Variants in SBF2 observed in about 807,000 individuals in gnomAD.
The protein encoded by SBF2 is SET binding factor 2.
SBF2 carries 112 observed loss-of-function variants against 225.2 expected under a neutral mutation model. The observed-to-expected ratio is 0.50, with a 90% confidence interval of 0.43 to 0.58. The LOEUF is 0.58. SBF2 is among the 20% of genes least tolerant of loss of function. SBF2 has a pLI of 0.00. For missense variants in SBF2, 1,996 were observed against 2,206.2 expected, an observed-to-expected ratio of 0.90 and a Z score of 1.91; for synonymous variants, 763 against 773.3, an observed-to-expected ratio of 0.99 and a Z score of 0.22.
At chr11:9,924,508 G>A (rs1590469759) in intron 16 of SBF2, among the ~76,000 whole-genome samples, 1 of 151,752 alleles carries the variant, frequency 6.6e-6, no homozygotes, top group Non-Finnish European at 1.5e-5. Flanking sequence ...CTCCGCTCAC[G>A]GCAACCTCTG....
intron 2 of SBF2, chr11:10,149,581 T>G (rs1955070554): frequency 1.3e-5 from 2 of 152,178 alleles, no homozygotes; most frequent in African/African-American, 4.8e-5. Context: ...TTTACAAACA[T>G]TCATCACATG....
chr11:9,858,441 A>G, intron 17 of SBF2, 45 bp from the exon 18 acceptor site: 2 of 1,586,142 alleles, frequency 1.3e-6, no homozygotes, highest in South Asian at 2.2e-5. Context: ...TGGCAGAATT[A>G]TAACAGTTCA....
intron 2 of SBF2, among the ~76,000 whole-genome samples, chr11:10,055,786 G>A (rs1207941851): frequency 1.3e-5 from 2 of 152,052 alleles, no homozygotes; most frequent in Non-Finnish European, 2.9e-5. Flanking sequence ...AAATGGGGAA[G>A]GTAGATGGGG....
chr11:9,815,675 GTGT>G (rs969790924), intron 29 of SBF2, among the ~76,000 whole-genome samples: 4 of 152,306 alleles, frequency 2.6e-5, no homozygotes, highest in African/African-American at 2.4e-5. Context: ...TCACGAGTAA[GTGT>G]TGTGCTGAAG....
intron 16 of SBF2, among the ~76,000 whole-genome samples, chr11:9,955,399 G>GA (rs1164581083): frequency 1.3e-5 from 2 of 151,884 alleles, no homozygotes; most frequent in Non-Finnish European, 2.9e-5. Context: ...CAATATATAA[G>GA]AAATTTTTCC....
intron 2 of SBF2, among the ~76,000 whole-genome samples, chr11:10,183,331 G>T (rs915198740): frequency 6.6e-6 from 1 of 152,100 alleles, no homozygotes; most frequent in Non-Finnish European, 1.5e-5. Context: ...AGCATCCAAA[G>T]ATTCTGTAGA....
chr11:10,271,192 G>GATT, intron 1 of SBF2, among the ~76,000 whole-genome samples: 1 of 91,336 alleles, frequency 1.1e-5, no homozygotes, highest in African/African-American at 3.4e-5. Flanking sequence ...CAGCAATCTT[G>GATT]ATTCTTTTTT....
intron 2 of SBF2, among the ~76,000 whole-genome samples, chr11:10,182,837 T>C (rs1956791081): frequency 6.6e-6 from 1 of 151,858 alleles, no homozygotes; most frequent in Non-Finnish European, 1.5e-5. Context: ...GCAGTGGCGA[T>C]GTCTCGTCTC....
chr11:10,287,714 G>A (rs1432499820), intron 1 of SBF2, among the ~76,000 whole-genome samples: 1 of 152,202 alleles, frequency 6.6e-6, no homozygotes, highest in Non-Finnish European at 1.5e-5. Context: ...GATCTTTAGG[G>A]TGTCACTTTT....
rs144784745 is a variant in SBF2 at position 10,169,550 on chromosome 11, T to C, written c.141+24352A>G. On this transcript the variant is annotated intron_variant, in intron 2 of 39. Transcript: ENST00000256190. ...GTCAAAGAATACTCCATTGTGTATA[T>C]TGTCACATTTTCTTTATCCGTTTGT... 2.2e-4 allele frequency among the ~76,000 whole-genome samples: 34 copies of C among 152,322 alleles called. No homozygotes were observed. In the East Asian group the frequency reaches 2.7e-3, roughly 12 times the overall value.
At chr11:9,790,853 A>C in intron 33 of SBF2, 170 bp from the exon 34 acceptor site, 1 of 546,494 alleles carries the variant, frequency 1.8e-6, no homozygotes, top group Non-Finnish European at 3.2e-6. Flanking sequence ...GACCGGAATG[A>C]ATTTCATCGC....
At chr11:10,237,353 CA>C (rs1959113820) in intron 1 of SBF2, among the ~76,000 whole-genome samples, 2 of 150,520 alleles carry the variant, frequency 1.3e-5, no homozygotes, top group South Asian at 4.1e-4. Flanking sequence ...TCTCAAAAAA[CA>C]CAAAAACAAC....
At chr11:10,050,511 ATAAC>A (rs1254445029) in intron 2 of SBF2, among the ~76,000 whole-genome samples, 4 of 152,172 alleles carry the variant, frequency 2.6e-5, no homozygotes, top group Non-Finnish European at 5.9e-5. Flanking sequence ...GAGATGAACA[ATAAC>A]TAATAATAAA....
intron 32 of SBF2, among the ~76,000 whole-genome samples, chr11:9,797,419 AAG>A (rs1355622776): frequency 6.6e-6 from 1 of 152,250 alleles, no homozygotes; most frequent in Non-Finnish European, 1.5e-5. Context: ...TGCATTAAAA[AAG>A]AGTTTGACTC....
chr11:9,900,044 T>TTAA (rs1445085946), intron 16 of SBF2, among the ~76,000 whole-genome samples: 1,825 of 140,360 alleles, frequency 0.013, 48 homozygotes, highest in African/African-American at 0.045. Flanking sequence ...TTTTTTTTTT[T>TTAA]AAAAAAAAAA....
At chr11:9,807,882 C>T (rs948453515) in intron 32 of SBF2, 118 bp downstream of exon 32, 1 of 919,130 alleles carries the variant, frequency 1.1e-6, no homozygotes, top group Non-Finnish European at 1.7e-6. Context: ...TGTCCTGTGG[C>T]TGAGTTAATC....
Position 9,829,401 on chromosome 11 carries a change from C to T in SBF2, c.3748G>A (p.Gly1250Ser), listed in dbSNP as rs767076046. 2 of 1,614,114 alleles carry T rather than the reference C, an allele frequency of 1.2e-6. No homozygotes were observed. Among genetic ancestry groups the T allele is most frequent in the South Asian group, 1.1e-5 (1 of 91,080 alleles). ...NAVSVHQKLRGNSTLTVRPAF... is the reference protein window; with the variant it reads ...NAVSVHQKLRSNSTLTVRPAF... The stretch of plus-strand genomic sequence containing the variant: ...GGCCTGACAGTAAGAGTGCTGTTGC[C>T]TCTGAGTTTCTGATGGACAGAAACA... Residue 1250 changes from glycine to serine, a missense_variant, in exon 28 of 40, where the codon GGC becomes AGC. By Grantham distance (56) the Gly-to-Ser change is moderately conservative (BLOSUM62 0). Coordinates refer to ENST00000256190, the MANE Select transcript of SBF2 (RefSeq NM_030962.4).
intron 17 of SBF2, among the ~76,000 whole-genome samples, chr11:9,878,421 GC>G (rs1313384369): frequency 2.6e-5 from 4 of 152,180 alleles, no homozygotes; most frequent in African/African-American, 9.6e-5. Context: ...GTCTATTTTG[GC>G]TTTTGTTGCC....
At chr11:9,993,499 A>C (rs1204381118) in intron 10 of SBF2, among the ~76,000 whole-genome samples, 3 of 152,236 alleles carry the variant, frequency 2.0e-5, no homozygotes, top group Admixed American at 6.5e-5. Context: ...ATGGCTTCTA[A>C]TTGAAACTAT....
Sources: allele counts gnomAD v4.1 joint callset (sites outside exome capture counted in the v4.1 genomes callset), GRCh38; gene constraint gnomAD v4.1.1; transcripts MANE v1.5; gene names NCBI Gene and HGNC (gene_info 2026-07-23, HGNC 2026-07-21).